The following LY75 variants were observed in gnomAD, a reference collection of about 807,000 sequenced individuals.
The protein encoded by LY75 is lymphocyte antigen 75, also known as C-type lectin domain family 13 member B.
A neutral mutation model predicts 231.7 loss-of-function variants in LY75; 185 were observed. That is an observed-to-expected ratio of 0.80 (90% CI 0.71 to 0.90). The LOEUF (loss-of-function observed/expected upper bound fraction) is 0.90. LY75 is among the 40% of genes least tolerant of loss of function. LY75 has a pLI of 0.00. For missense variants in LY75, 1,947 were observed against 2,050.2 expected, an observed-to-expected ratio of 0.95 and a Z score of 0.97; for synonymous variants, 668 against 689.0, an observed-to-expected ratio of 0.97 and a Z score of 0.48.
chr2:159,850,892 G>C (rs1342562872), intron 21 of LY75, among the ~76,000 whole-genome samples: 2 of 144,518 alleles, frequency 1.4e-5, no homozygotes, highest in Non-Finnish European at 3.0e-5. Context: ...CTCATTTATT[G>C]AGTGCTTCCT....
intron 28 of LY75, among the ~76,000 whole-genome samples, chr2:159,829,371 G>A (rs1321687102): frequency 1.3e-5 from 2 of 152,238 alleles, no homozygotes; most frequent in East Asian, 3.9e-4. Context: ...TTCTAAAGTT[G>A]TTTTAAGAAA....
Position 159,816,971 on chromosome 2 carries a change from A to C in LY75, c.4215T>G (p.Ile1405Met). The C allele has an allele frequency of 1.2e-6, 2 of 1,614,152 alleles. No individual in the cohort carries two copies. The highest frequency in any genetic ancestry group is 1.1e-5 in the South Asian group (1 of 91,084). ...LPQFMPYEDG[I>M]YSVIQKKVTW... ...TTACCTTTTTTTGAATAACACTGTA[A>C]ATACCATCTTCATATGGCATAAACT... The change falls in exon 30 of 35, where the codon ATT (isoleucine) becomes ATG (methionine). Residue 1405 changes from isoleucine to methionine, a missense_variant. By Grantham distance (10) the Ile-to-Met change is conservative (BLOSUM62 1). Transcript: ENST00000263636.
At chr2:159,848,027 A>C (rs72955738) in intron 23 of LY75, among the ~76,000 whole-genome samples, 37,237 of 148,664 alleles carry the variant, frequency 0.25, 6,193 homozygotes, top group Non-Finnish European at 0.37. Context: ...AACCAACCCA[A>C]ATGCCCATCA....
chr2:159,832,923 C>T (rs1683706368), intron 27 of LY75, among the ~76,000 whole-genome samples: 1 of 152,174 alleles, frequency 6.6e-6, no homozygotes, highest in Non-Finnish European at 1.5e-5. Context: ...TTGGAAGTCA[C>T]AAATCCTTAG....
At chr2:159,886,298 TGA>T (rs1267124912) in intron 5 of LY75, 120 bp downstream of exon 5, 1 of 1,090,238 alleles carries the variant, frequency 9.2e-7, no homozygotes, top group African/African-American at 1.6e-5. Flanking sequence ...AAAATTCTTC[TGA>T]GAGGTAACCA....
intron 20 of LY75, 136 bp downstream of exon 20, chr2:159,853,137 T>C: frequency 2.3e-6 from 2 of 857,718 alleles, no homozygotes; most frequent in Non-Finnish European, 1.8e-6. Flanking sequence ...ATTTGAGCTA[T>C]TGTTGCTAAT....
At chr2:159,807,281 A>C (rs892062956) in intron 33 of LY75, 141 bp from the exon 34 acceptor site, 2 of 1,075,932 alleles carry the variant, frequency 1.9e-6, no homozygotes, top group Non-Finnish European at 2.6e-6. Flanking sequence ...AAATGAAAAA[A>C]ATAAAATCAG....
intron 17 of LY75, 95 bp downstream of exon 17, chr2:159,854,809 T>A: frequency 6.6e-7 from 1 of 1,523,670 alleles, no homozygotes; most frequent in Non-Finnish European, 8.9e-7. Context: ...CACTTGAAGA[T>A]GTATAGAGAA....
intron 23 of LY75, among the ~76,000 whole-genome samples, chr2:159,843,282 AAAT>A (rs990178687): frequency 1.3e-5 from 2 of 152,160 alleles, no homozygotes; most frequent in African/African-American, 4.8e-5. Context: ...GTTTTTGTAA[AAAT>A]GTAAATAATG....
rs1355987099 is a variant in LY75 at position 159,894,068 on chromosome 2, A to G, written c.483T>C (p.Asp161=). The change falls in exon 3 of 35, where the codon GAT becomes GAC. Residue 161 remains aspartate, a synonymous_variant. Coordinates refer to ENST00000263636, the MANE Select transcript of LY75 (RefSeq NM_002349.4). ...DQPYHEIYTR[D]GNSYGRPCEF... ...CACAAGGTCTCCCATAAGAGTTCCC[A>G]TCTCTGGTATAGATCTCTGGGTTGG... is the stretch of plus-strand genomic sequence containing the variant. 1.9e-6 allele frequency: 3 copies of G among 1,611,252 alleles called. No individual in the cohort carries two copies. Among genetic ancestry groups the G allele is most frequent in the Non-Finnish European group, 1.7e-6 (2 of 1,178,628 alleles).
intron 13 of LY75, among the ~76,000 whole-genome samples, chr2:159,866,413 A>AT (rs1192933444): frequency 1.3e-5 from 2 of 152,222 alleles, no homozygotes; most frequent in Admixed American, 6.6e-5. Context: ...GCAATGGAAT[A>AT]TGAATGAGGA....
Position 159,879,355 on chromosome 2 carries a change from T to G in LY75, c.1419A>C (p.Lys473Asn), listed in dbSNP as rs1685368902. Reference sequence around the variant, plus strand: ...TTAGTTTCTCCTCACATGATTGGACTTTCCACTGACCTAGCTTTGAAAGGA... The same window carrying G: ...TTAGTTTCTCCTCACATGATTGGACGTTCCACTGACCTAGCTTTGAAAGGA... ...VSYLGELGQW[K>N]VQSCEEKLKY... Residue 473 changes from lysine to asparagine, a missense_variant, in exon 9 of 35, where the codon AAA becomes AAC. Transcript: ENST00000263636. The G allele has an allele frequency of 6.2e-7, 1 of 1,613,092 alleles. No homozygotes were observed. The highest frequency in any genetic ancestry group is 1.3e-5 in the African/African-American group (1 of 74,890).
At chr2:159,868,729 A>G (rs145695242) in intron 13 of LY75, among the ~76,000 whole-genome samples, 1 of 152,316 alleles carries the variant, frequency 6.6e-6, no homozygotes, top group East Asian at 1.9e-4. Context: ...CTCATTCATT[A>G]GTACTTATCC....
At chr2:159,904,256 A>C (rs1686166844) in intron 1 of LY75, among the ~76,000 whole-genome samples, 2 of 152,210 alleles carry the variant, frequency 1.3e-5, no homozygotes, top group African/African-American at 4.8e-5. Flanking sequence ...ATACTCCAGC[A>C]ACATTATATA....
chr2:159,891,667 A>G (rs1167978214), intron 3 of LY75, among the ~76,000 whole-genome samples: 1 of 152,208 alleles, frequency 6.6e-6, no homozygotes, highest in African/African-American at 2.4e-5. Context: ...CAACACCCAC[A>G]GGAGGCTAAA....
At chr2:159,867,647 C>T (rs1293526405) in intron 13 of LY75, among the ~76,000 whole-genome samples, 1 of 152,194 alleles carries the variant, frequency 6.6e-6, no homozygotes, top group East Asian at 1.9e-4. Flanking sequence ...AGTATCTCAG[C>T]CATAAGCCCC....
At chr2:159,847,925 G>A (rs1684251800) in intron 23 of LY75, among the ~76,000 whole-genome samples, 1 of 151,716 alleles carries the variant, frequency 6.6e-6, no homozygotes. Context: ...TGTAAAACTG[G>A]AAACAACCTA....
chr2:159,900,900 A>T (rs1258323417), intron 1 of LY75, among the ~76,000 whole-genome samples: 1 of 151,904 alleles, frequency 6.6e-6, no homozygotes, highest in African/African-American at 2.4e-5. Flanking sequence ...GTGCAGTGGC[A>T]CAATCTCAGC....
At chr2:159,839,502 G>A (rs1228038499) in intron 25 of LY75, among the ~76,000 whole-genome samples, 2 of 152,316 alleles carry the variant, frequency 1.3e-5, no homozygotes, top group East Asian at 3.9e-4. Context: ...TCTAGGATCA[G>A]CACTTGAGAT....
Sources: allele counts gnomAD v4.1 joint callset (sites outside exome capture counted in the v4.1 genomes callset), GRCh38; gene constraint gnomAD v4.1.1; transcripts MANE v1.5; gene names NCBI Gene and HGNC (gene_info 2026-07-23, HGNC 2026-07-21).